SLC35F1: variants seen among roughly 807,000 people sequenced by gnomAD.
SLC35F1 encodes chromosome 6 open reading frame 169.
SLC35F1 carries 14 observed loss-of-function variants against 48.7 expected under a neutral mutation model. The ratio of observed to expected loss-of-function variants is 0.29; its 90% CI spans 0.19 to 0.45. The LOEUF is 0.45. Among genes scored for constraint, SLC35F1 ranks in the 20% least tolerant of loss-of-function variants. The pLI is 1.00. For missense variants in SLC35F1, 404 were observed against 500.0 expected, an observed-to-expected ratio of 0.81 and a Z score of 1.83; for synonymous variants, 190 against 202.2, an observed-to-expected ratio of 0.94 and a Z score of 0.51.
At chr6:117,948,392 C>G (rs1178412256) in intron 1 of SLC35F1, among the ~76,000 whole-genome samples, 1 of 152,180 alleles carries the variant, frequency 6.6e-6, no homozygotes, top group Non-Finnish European at 1.5e-5. Context: ...CCCTTGCTCT[C>G]TAACTCACGT....
intron 2 of SLC35F1, among the ~76,000 whole-genome samples, chr6:118,198,215 G>T (rs565898848): frequency 6.6e-6 from 1 of 152,184 alleles, no homozygotes; most frequent in East Asian, 1.9e-4. Flanking sequence ...TATTTTTCTG[G>T]ACTACATAAA....
chr6:118,152,321 C>T (rs1020073785), intron 1 of SLC35F1, among the ~76,000 whole-genome samples: 8 of 152,180 alleles, frequency 5.3e-5, no homozygotes. Flanking sequence ...AACAGAGGGT[C>T]AGGTTCCAGA....
At chr6:118,060,341 G>C (rs540030110) in intron 1 of SLC35F1, among the ~76,000 whole-genome samples, 1 of 152,206 alleles carries the variant, frequency 6.6e-6, no homozygotes, top group Admixed American at 6.5e-5. Flanking sequence ...GAATGAGTGT[G>C]ACCATATATG....
intron 3 of SLC35F1, among the ~76,000 whole-genome samples, chr6:118,241,032 A>G (rs1444064843): frequency 6.6e-6 from 1 of 152,226 alleles, no homozygotes; most frequent in African/African-American, 2.4e-5. Flanking sequence ...TGTGGCTGGT[A>G]TGTGAACAGA....
intron 1 of SLC35F1, among the ~76,000 whole-genome samples, chr6:118,088,231 A>G (rs1437170164): frequency 4.6e-5 from 7 of 152,194 alleles, no homozygotes. Flanking sequence ...ACATTTATTT[A>G]TGGTGAAGTA....
intron 7 of SLC35F1, among the ~76,000 whole-genome samples, chr6:118,304,145 C>G (rs904031919): frequency 6.6e-6 from 1 of 152,016 alleles, no homozygotes; most frequent in African/African-American, 2.4e-5. Context: ...ATGATTTGTG[C>G]CAATGCAGAG....
At chr6:118,006,585 C>T (rs1181351724) in intron 1 of SLC35F1, among the ~76,000 whole-genome samples, 1 of 152,132 alleles carries the variant, frequency 6.6e-6, no homozygotes, top group Non-Finnish European at 1.5e-5. Flanking sequence ...CGCTACTGCA[C>T]TCCAGTCTGG....
At chr6:118,239,223 G>A (rs1775405329) in intron 3 of SLC35F1, among the ~76,000 whole-genome samples, 1 of 148,934 alleles carries the variant, frequency 6.7e-6, no homozygotes, top group South Asian at 2.2e-4. Flanking sequence ...CTAGTACCTA[G>A]AGGAAACCCC....
At chr6:118,262,180 T>C (rs1775721426) in intron 3 of SLC35F1, among the ~76,000 whole-genome samples, 1 of 152,004 alleles carries the variant, frequency 6.6e-6, no homozygotes, top group African/African-American at 2.4e-5. Context: ...ATGAGCACAC[T>C]TTCGGAAGTG....
At chr6:118,126,992 C>G (rs1227652520) in intron 1 of SLC35F1, among the ~76,000 whole-genome samples, 1 of 151,812 alleles carries the variant, frequency 6.6e-6, no homozygotes, top group African/African-American at 2.4e-5. Context: ...TGCCTAATTG[C>G]CCTGGCCAGA....
At chr6:118,207,368 G>A (rs1185908648) in intron 2 of SLC35F1, among the ~76,000 whole-genome samples, 6 of 152,166 alleles carry the variant, frequency 3.9e-5, no homozygotes. Flanking sequence ...ATAATTCCTT[G>A]CAGAATATTT....
chr6:117,996,512 C>A (rs1776993412), intron 1 of SLC35F1, among the ~76,000 whole-genome samples: 1 of 152,174 alleles, frequency 6.6e-6, no homozygotes, highest in Non-Finnish European at 1.5e-5. Flanking sequence ...CCCTGAGCAG[C>A]CTAACTGGGA....
intron 1 of SLC35F1, among the ~76,000 whole-genome samples, chr6:118,135,525 G>A (rs1773781577): frequency 6.6e-6 from 1 of 152,204 alleles, no homozygotes; most frequent in South Asian, 2.1e-4. Context: ...TGTGCTGACT[G>A]TTGTATGGGA....
chr6:118,002,340 C>G (rs1777112207), intron 1 of SLC35F1, among the ~76,000 whole-genome samples: 1 of 151,962 alleles, frequency 6.6e-6, no homozygotes, highest in South Asian at 2.1e-4. Context: ...TCTCAGCATA[C>G]TATCGCAAGG....
At chr6:118,066,284 A>T (rs1263021274) in intron 1 of SLC35F1, among the ~76,000 whole-genome samples, 1 of 152,204 alleles carries the variant, frequency 6.6e-6, no homozygotes, top group African/African-American at 2.4e-5. Flanking sequence ...AATCTCTATT[A>T]TGTGATGTCA....
At chr6:118,217,048 A>C (rs1242424509) in intron 2 of SLC35F1, among the ~76,000 whole-genome samples, 5 of 152,192 alleles carry the variant, frequency 3.3e-5, no homozygotes, top group African/African-American at 9.7e-5. Flanking sequence ...AACAGAAAAA[A>C]AAAGTTCCCT....
At chr6:118,068,844 G>C (rs1772656847) in intron 1 of SLC35F1, among the ~76,000 whole-genome samples, 1 of 152,164 alleles carries the variant, frequency 6.6e-6, no homozygotes, top group South Asian at 2.1e-4. Flanking sequence ...CTTTACAAAG[G>C]AGGAATGCAA....
At chr6:117,916,484 G>C (rs1775827409) in intron 1 of SLC35F1, among the ~76,000 whole-genome samples, 1 of 152,124 alleles carries the variant, frequency 6.6e-6, no homozygotes, top group Non-Finnish European at 1.5e-5. Context: ...GGGGGCATCA[G>C]GTTGGTACTA....
chr6:118,251,622 A>G (rs897314670), intron 3 of SLC35F1, among the ~76,000 whole-genome samples: 1 of 152,214 alleles, frequency 6.6e-6, no homozygotes, highest in African/African-American at 2.4e-5. Context: ...TAATTTAGCA[A>G]GATCCCTTGC....
Sources: gnomAD v4.1 joint callset for allele counts (sites outside exome capture counted in the v4.1 genomes callset) on GRCh38, gnomAD v4.1.1 for gene constraint, MANE v1.5 for transcripts, NCBI Gene and HGNC (gene_info 2026-07-23, HGNC 2026-07-21) for gene names.